Variants in EFNA5 observed in about 807,000 individuals in gnomAD.
EFNA5 encodes the protein ephrin A5, also known as ephrin-A5.
In EFNA5, 5 loss-of-function variants were observed where a neutral mutation model predicts 22.9. The ratio of observed to expected loss-of-function variants is 0.22; its 90% CI spans 0.11 to 0.46. The LOEUF is 0.46. EFNA5 is among the 20% of genes least tolerant of loss of function. The probability of loss-of-function intolerance (pLI) is 0.99; values close to 1 mark genes in which losing one functional copy is unlikely to be tolerated. For synonymous variants in EFNA5, 113 were observed against 112.2 expected (o/e 1.01, Z -0.04); for missense variants, 237 against 293.3 (o/e 0.81, Z 1.40).
intron 2 of EFNA5, among the ~76,000 whole-genome samples, chr5:107,418,481 G>C (rs560546903): frequency 1.3e-5 from 2 of 152,240 alleles, no homozygotes; most frequent in East Asian, 3.9e-4. Context: ...CCTTTAATTT[G>C]TTTCCATTTC....
chr5:107,566,089 T>C (rs747075055), intron 1 of EFNA5, among the ~76,000 whole-genome samples: 2 of 152,150 alleles, frequency 1.3e-5, no homozygotes, highest in Non-Finnish European at 2.9e-5. Flanking sequence ...TGGAAGAAGA[T>C]CATTTAAAAA....
chr5:107,588,158 G>C (rs1179166925), intron 1 of EFNA5, among the ~76,000 whole-genome samples: 1 of 152,110 alleles, frequency 6.6e-6, no homozygotes, highest in Non-Finnish European at 1.5e-5. Context: ...CCATTATCTG[G>C]AAAGAGTGTT....
At chr5:107,428,104 G>A (rs989009884) in intron 1 of EFNA5, among the ~76,000 whole-genome samples, 1 of 152,146 alleles carries the variant, frequency 6.6e-6, no homozygotes, top group Non-Finnish European at 1.5e-5. Flanking sequence ...AAAATAAAAA[G>A]ACATAAAGAT....
At chr5:107,657,802 T>C (rs1664342641) in intron 1 of EFNA5, among the ~76,000 whole-genome samples, 1 of 152,090 alleles carries the variant, frequency 6.6e-6, no homozygotes, top group African/African-American at 2.4e-5. Flanking sequence ...TTTCAAAGAC[T>C]TGAAAGTTCA....
intron 1 of EFNA5, among the ~76,000 whole-genome samples, chr5:107,458,917 G>A (rs916281270): frequency 6.6e-6 from 1 of 152,066 alleles, no homozygotes; most frequent in Non-Finnish European, 1.5e-5. Flanking sequence ...AATAAAAGCA[G>A]TCTAGATCTT....
rs184058734 is a variant in EFNA5, at chr5:107,421,840, G to A, written c.418+5377C>T. Among the ~76,000 whole-genome samples, 1,289 of 150,816 alleles carry A rather than the reference G, an allele frequency of 8.5e-3. 19 individuals carry two copies. The highest frequency in any genetic ancestry group is 0.03 in the African/African-American group (1,235 of 40,988). ...GAGTTTCGCTCTTGTTGCCCAGGCT[G>A]GAGTGCAATGGAGCGATCCCAGCTC... On this transcript the variant is annotated intron_variant, in intron 2 of 4. Coordinates refer to ENST00000333274, the MANE Select transcript of EFNA5 (RefSeq NM_001962.3).
At chr5:107,427,151 A>G in intron 2 of EFNA5, 66 bp downstream of exon 2, 4 of 1,567,662 alleles carry the variant, frequency 2.6e-6, no homozygotes, top group Non-Finnish European at 2.6e-6. Context: ...TCTCTGAAAC[A>G]TGGGTAAAAA....
intron 1 of EFNA5, among the ~76,000 whole-genome samples, chr5:107,633,272 C>G (rs1356815612): frequency 6.6e-6 from 1 of 152,168 alleles, no homozygotes; most frequent in Non-Finnish European, 1.5e-5. Flanking sequence ...ACAAGTAAGC[C>G]AGCCAGTTCT....
intron 1 of EFNA5, among the ~76,000 whole-genome samples, chr5:107,666,726 C>T (rs1390757590): frequency 6.6e-6 from 1 of 152,016 alleles, no homozygotes; most frequent in Non-Finnish European, 1.5e-5. Context: ...ATAATGCCAA[C>T]CAGTAGGAGA....
At chr5:107,440,802 T>C (rs965515544) in intron 1 of EFNA5, among the ~76,000 whole-genome samples, 1 of 152,130 alleles carries the variant, frequency 6.6e-6, no homozygotes, top group Non-Finnish European at 1.5e-5. Flanking sequence ...ACAAAACCTA[T>C]GGGAGATATT....
At chr5:107,643,871 TTAATAATAATAATAA>T (rs148571029) in intron 1 of EFNA5, among the ~76,000 whole-genome samples, 1 of 146,196 alleles carries the variant, frequency 6.8e-6, no homozygotes. Flanking sequence ...TCTATTTTCT[TTAATAATAATAATAA>T]TAATAATAAT....
At chr5:107,518,152 T>A (rs932492291) in intron 1 of EFNA5, among the ~76,000 whole-genome samples, 4 of 152,052 alleles carry the variant, frequency 2.6e-5, no homozygotes, top group African/African-American at 9.7e-5. Flanking sequence ...AAAGACTATG[T>A]TTGACATATT....
intron 1 of EFNA5, among the ~76,000 whole-genome samples, chr5:107,450,802 T>C (rs1251712288): frequency 1.3e-5 from 2 of 152,212 alleles, no homozygotes; most frequent in South Asian, 2.1e-4. Flanking sequence ...AATGAGGATA[T>C]GAGAGTTATG....
At position 107,550,712 on chromosome 5, in the gene EFNA5, A is replaced by G. The variant is rs183735263; in HGVS notation, c.125+119777T>C. 3.6e-3 allele frequency among the ~76,000 whole-genome samples: 546 copies of G among 152,314 alleles called. 1 individual carries two copies. The highest frequency in any genetic ancestry group is 0.012 in the South Asian group (58 of 4,824). ...GTTTCATTTCAATTTGGCCACCATC[A>G]TAATAGAGACTTGTCTCAGCTGAAG... On this transcript the variant is annotated intron_variant, in intron 1 of 4. Transcript: ENST00000333274.
rs867665400 is a variant in EFNA5, at chr5:107,521,478, T to A, written c.126-93969A>T. 9.6e-3 allele frequency among the ~76,000 whole-genome samples: 1,032 copies of A among 106,996 alleles called. 9 individuals are homozygous for A. Among genetic ancestry groups the A allele is most frequent in the Non-Finnish European group, 0.011 (626 of 57,506 alleles). 70.2% of individuals were successfully genotyped at this position (106,996 alleles called of 152,430 possible). ...TGGCTATATATATATATATATATAT[T>A]TTTTTTTTTTTTTGGAGAGACAGGG... On this transcript the variant is annotated intron_variant, in intron 1 of 4. Transcript: ENST00000333274.
intron 2 of EFNA5, among the ~76,000 whole-genome samples, chr5:107,422,302 A>G (rs1360125861): frequency 6.6e-6 from 1 of 152,234 alleles, no homozygotes; most frequent in Non-Finnish European, 1.5e-5. Flanking sequence ...CTTATTAAAC[A>G]TCTGCATGTG....
chr5:107,493,534 A>AAAAAAC (rs1283967228), intron 1 of EFNA5, among the ~76,000 whole-genome samples: 1 of 152,236 alleles, frequency 6.6e-6, no homozygotes, highest in Non-Finnish European at 1.5e-5. Context: ...CTTTACCAAG[A>AAAAAAC]AAAAACAAAA....
rs888004664 is a variant in EFNA5 at position 107,482,529 on chromosome 5, T to C, written c.126-55020A>G. The stretch of plus-strand genomic sequence containing the variant: ...CTATTCTCAGATAAGACCCAGATCT[T>C]GGGAAACAAATTAAGGGCGCATCTG... On this transcript the variant is annotated intron_variant, in intron 1 of 4. Coordinates refer to ENST00000333274, the MANE Select transcript of EFNA5 (RefSeq NM_001962.3). 6.2e-4 allele frequency among the ~76,000 whole-genome samples: 94 copies of C among 152,194 alleles called. 1 individual carries two copies. Among genetic ancestry groups the C allele is most frequent in the Admixed American group, 3.7e-3 (57 of 15,278 alleles).
At chr5:107,662,942 T>C (rs73781154) in intron 1 of EFNA5, among the ~76,000 whole-genome samples, 1,599 of 152,060 alleles carry the variant, frequency 0.011, 32 homozygotes, top group African/African-American at 0.035. Flanking sequence ...GAGAAAAAAA[T>C]ATGTATGGAA....
Sources: allele counts gnomAD v4.1 joint callset (sites outside exome capture counted in the v4.1 genomes callset), GRCh38; gene constraint gnomAD v4.1.1; transcripts MANE v1.5; gene names NCBI Gene and HGNC (gene_info 2026-07-23, HGNC 2026-07-21).